SEZ6L: variants seen among roughly 807,000 people sequenced by gnomAD.
SEZ6L encodes seizure related 6 homolog like.
A neutral mutation model predicts 106.2 loss-of-function variants in SEZ6L; 37 were observed. The ratio of observed to expected loss-of-function variants is 0.35; its 90% CI spans 0.27 to 0.46. The LOEUF (loss-of-function observed/expected upper bound fraction) is 0.46. SEZ6L is among the 20% of genes least tolerant of loss of function. SEZ6L has a pLI of 1.00. For missense variants in SEZ6L, 1,172 were observed against 1,332.8 expected (o/e 0.88, Z 1.88); for synonymous variants, 541 against 570.4 (o/e 0.95, Z 0.73).
chr22:26,198,367 T>A (rs938515230), intron 1 of SEZ6L, among the ~76,000 whole-genome samples: 16 of 152,214 alleles, frequency 1.1e-4, no homozygotes, highest in African/African-American at 3.9e-4. Flanking sequence ...TCACTGAGAT[T>A]ATCCAAAGAC....
At chr22:26,225,264 G>A (rs560683588) in intron 1 of SEZ6L, among the ~76,000 whole-genome samples, 126 of 152,302 alleles carry the variant, frequency 8.3e-4, no homozygotes, top group Middle Eastern at 6.8e-3. Flanking sequence ...CTCATCACTG[G>A]TCAGGAAGCC....
In SEZ6L at chr22:26,169,643, A is replaced by G; in HGVS notation, c.-27A>G. On this transcript the variant is annotated 5_prime_UTR_variant, in exon 1 of 17. Coordinates refer to ENST00000248933, the MANE Select transcript of SEZ6L (RefSeq NM_021115.5). The stretch of plus-strand genomic sequence containing the variant: ...CTCGCCGTCCGCCCGCCCCACAGCC[A>G]GCGGCTCCGCGCCCCCTGCAGCCAC... 1 of 976,010 alleles carries G rather than the reference A, an allele frequency of 1.0e-6. No individual in the cohort carries two copies. Among genetic ancestry groups the G allele is most frequent in the African/African-American group, 1.7e-5 (1 of 58,364 alleles). The allele number at this position is 976,010 out of a possible 1,614,324, so 60.5% of individuals were successfully genotyped here.
intron 1 of SEZ6L, among the ~76,000 whole-genome samples, chr22:26,227,324 T>C (rs1000804325): frequency 6.6e-6 from 1 of 152,242 alleles, no homozygotes; most frequent in African/African-American, 2.4e-5. Context: ...TCTGAGGGTC[T>C]AATGAGCTGA....
At chr22:26,238,670 TTTCA>T (rs1310123427) in intron 1 of SEZ6L, among the ~76,000 whole-genome samples, 1 of 152,214 alleles carries the variant, frequency 6.6e-6, no homozygotes, top group Non-Finnish European at 1.5e-5. Context: ...GCATAAGTTA[TTTCA>T]TTCAATATTC....
chr22:26,372,448 CTTAG>C (rs1016282926), intron 13 of SEZ6L, among the ~76,000 whole-genome samples: 18 of 152,164 alleles, frequency 1.2e-4, no homozygotes, highest in Non-Finnish European at 1.9e-4. Flanking sequence ...GAAGTGTGCA[CTTAG>C]TTAGCCAGCT....
chr22:26,332,661 A>C (rs4820675), intron 9 of SEZ6L, among the ~76,000 whole-genome samples: 79,983 of 152,052 alleles, frequency 0.53, 21,838 homozygotes, highest in East Asian at 0.73. Context: ...TTGCCCAGGC[A>C]GGTCTTGAAC....
chr22:26,182,243 A>G (rs1017136877), intron 1 of SEZ6L, among the ~76,000 whole-genome samples: 4 of 152,218 alleles, frequency 2.6e-5, no homozygotes, highest in Admixed American at 2.6e-4. Context: ...CTTGCAGACT[A>G]GAAACTCCTC....
intron 12 of SEZ6L, among the ~76,000 whole-genome samples, chr22:26,356,642 A>AAAT (rs59145201): frequency 3.3e-3 from 471 of 142,796 alleles, no homozygotes; most frequent in Admixed American, 4.5e-3. Context: ...ATTCTGTCTC[A>AAAT]AATAATAATA....
intron 13 of SEZ6L, among the ~76,000 whole-genome samples, chr22:26,368,745 TA>T (rs60719551): frequency 6.4e-4 from 95 of 149,060 alleles, no homozygotes; most frequent in African/African-American, 1.5e-3. Context: ...TTTATCTACC[TA>T]AAAAAAAAAA....
Position 26,381,987 on chromosome 22 carries a change from G to C in SEZ6L, c.*1692G>C. ...CATTGGAAACATCTTAAGCAAGATAGGGAAAGTTGATTTTAGGCACACATG... is the reference window on the plus strand; with the variant it reads ...CATTGGAAACATCTTAAGCAAGATACGGAAAGTTGATTTTAGGCACACATG... On this transcript the variant is annotated 3_prime_UTR_variant, in exon 17 of 17. Transcript: ENST00000248933. The C allele has an allele frequency of 1.9e-6, 1 of 518,140 alleles. No homozygotes were observed. Among genetic ancestry groups the C allele is most frequent in the Non-Finnish European group, 3.9e-6 (1 of 259,436 alleles). 32.1% of individuals were successfully genotyped at this position (518,140 alleles called of 1,614,324 possible). A position where few individuals can be genotyped will look rare whatever the true frequency, so the allele number is the denominator to read the frequency against.
chr22:26,308,338 G>A (rs901116274), intron 6 of SEZ6L, among the ~76,000 whole-genome samples: 1 of 151,858 alleles, frequency 6.6e-6, no homozygotes, highest in Non-Finnish European at 1.5e-5. Context: ...TTTGTTGGGG[G>A]GCTGCAGCAG....
At chr22:26,178,061 A>C (rs547804225) in intron 1 of SEZ6L, among the ~76,000 whole-genome samples, 1 of 152,304 alleles carries the variant, frequency 6.6e-6, no homozygotes, top group Non-Finnish European at 1.5e-5. Context: ...CTGAGACCCA[A>C]GGAGTGTGGC....
chr22:26,198,231 A>G (rs134768), intron 1 of SEZ6L, among the ~76,000 whole-genome samples: 128,310 of 152,286 alleles, frequency 0.84, 54,656 homozygotes, highest in East Asian at 1. Context: ...TCAGAATGAT[A>G]ACAATTATCA....
At chr22:26,171,584 G>T (rs1165164977) in intron 1 of SEZ6L, among the ~76,000 whole-genome samples, 1 of 152,196 alleles carries the variant, frequency 6.6e-6, no homozygotes, top group East Asian at 1.9e-4. Context: ...TCCTTCACGG[G>T]CTGCAAACAC....
intron 12 of SEZ6L, 58 bp downstream of exon 12, chr22:26,351,301 T>C: frequency 6.6e-7 from 1 of 1,519,978 alleles, no homozygotes; most frequent in South Asian, 1.2e-5. Context: ...CACTTTCTCT[T>C]GTTCATGATG....
intron 1 of SEZ6L, among the ~76,000 whole-genome samples, chr22:26,200,165 T>C (rs1044646665): frequency 3.9e-5 from 6 of 152,296 alleles, no homozygotes; most frequent in Admixed American, 3.9e-4. Flanking sequence ...TTCTAATGTA[T>C]ATATTTCCTT....
intron 5 of SEZ6L, among the ~76,000 whole-genome samples, chr22:26,299,798 T>C (rs2081397864): frequency 6.6e-6 from 1 of 152,132 alleles, no homozygotes; most frequent in South Asian, 2.1e-4. Flanking sequence ...TGTATGCCAG[T>C]TTTTTGTGTG....
Position 26,320,957 on chromosome 22 carries a change from C to T in SEZ6L, c.2015+7055C>T, listed in dbSNP as rs139140128. Among the ~76,000 whole-genome samples, 93 of 152,262 alleles carry T rather than the reference C, an allele frequency of 6.1e-4. 1 individual carries two copies. The highest frequency in any genetic ancestry group is 1.8e-3 in the African/African-American group (75 of 41,538). ...AGAATGAGCTGACCCAAAATATCAA[C>T]GGTGTTGAAGCAGAGAAACCCTGAT... On this transcript the variant is annotated intron_variant, in intron 9 of 16. Coordinates refer to ENST00000248933, the MANE Select transcript of SEZ6L (RefSeq NM_021115.5).
intron 1 of SEZ6L, among the ~76,000 whole-genome samples, chr22:26,225,572 TG>T (rs1383709491): frequency 6.6e-6 from 1 of 151,924 alleles, no homozygotes; most frequent in Non-Finnish European, 1.5e-5. Flanking sequence ...ACTGACAAAA[TG>T]ATGTTTTTAG....
Sources: gnomAD v4.1 joint callset for allele counts (sites outside exome capture counted in the v4.1 genomes callset) on GRCh38, gnomAD v4.1.1 for gene constraint, MANE v1.5 for transcripts, NCBI Gene and HGNC (gene_info 2026-07-23, HGNC 2026-07-21) for gene names.